PTPRM: variants seen among roughly 807,000 people sequenced by gnomAD.
PTPRM encodes the protein receptor-type tyrosine-protein phosphatase mu.
Under a neutral mutation model 186.7 loss-of-function variants are expected in PTPRM, and 47 were observed. That is an observed-to-expected ratio of 0.25 (90% CI 0.20 to 0.32). PTPRM has a LOEUF of 0.32. PTPRM is among the 10% of genes least tolerant of loss of function. PTPRM has a pLI of 1.00. For missense variants in PTPRM, 1,494 were observed against 1,865.0 expected (o/e 0.80, Z 3.66); for synonymous variants, 668 against 674.9 (o/e 0.99, Z 0.16).
At chr18:7,996,313 C>T (rs888282549) in intron 7 of PTPRM, among the ~76,000 whole-genome samples, 19 of 151,996 alleles carry the variant, frequency 1.3e-4, no homozygotes, top group African/African-American at 4.1e-4. Flanking sequence ...GTCATATGAT[C>T]ATCTCTATAG....
chr18:8,362,648 A>G (rs186300479), intron 23 of PTPRM, among the ~76,000 whole-genome samples: 7 of 152,066 alleles, frequency 4.6e-5, no homozygotes, highest in Admixed American at 2.0e-4. Flanking sequence ...AGCACTCCAT[A>G]TTTCTGTCTC....
At chr18:8,247,052 C>T (rs1159401453) in intron 15 of PTPRM, among the ~76,000 whole-genome samples, 3 of 152,082 alleles carry the variant, frequency 2.0e-5, no homozygotes, top group African/African-American at 7.2e-5. Context: ...AGTCTTTATA[C>T]TTTAATGAAA....
chr18:8,383,917 G>A (rs1055289791), intron 29 of PTPRM, among the ~76,000 whole-genome samples: 6 of 152,122 alleles, frequency 3.9e-5, no homozygotes, highest in African/African-American at 7.2e-5. Flanking sequence ...GCCTCTCCCC[G>A]GGGCCTGATG....
At chr18:8,340,871 T>A (rs1330615103) in intron 22 of PTPRM, among the ~76,000 whole-genome samples, 2 of 152,094 alleles carry the variant, frequency 1.3e-5, no homozygotes, top group African/African-American at 2.4e-5. Flanking sequence ...CCTGAGAATT[T>A]AAAAAAATCT....
At chr18:8,315,858 G>C (rs998256464) in intron 21 of PTPRM, among the ~76,000 whole-genome samples, 7 of 152,052 alleles carry the variant, frequency 4.6e-5, no homozygotes, top group Non-Finnish European at 7.4e-5. Context: ...GTAGGGACTG[G>C]GGTATGATTA....
intron 1 of PTPRM, among the ~76,000 whole-genome samples, chr18:7,687,630 G>T (rs992149140): frequency 1.3e-5 from 2 of 152,146 alleles, no homozygotes; most frequent in Non-Finnish European, 2.9e-5. Context: ...GTTGGCAGCA[G>T]AAGATGTTTA....
intron 6 of PTPRM, among the ~76,000 whole-genome samples, chr18:7,952,688 CAAAAAA>C (rs759055250): frequency 2.1e-5 from 2 of 93,942 alleles, no homozygotes; most frequent in African/African-American, 8.0e-5. Flanking sequence ...GACTCCATCT[CAAAAAA>C]AAAAAAAAAG....
chr18:8,153,998 C>G lies in PTPRM; in HGVS notation c.2300+10219C>G, dbSNP rs548632480. Among the ~76,000 whole-genome samples the G allele has an allele frequency of 4.6e-5, 7 of 152,290 alleles. No homozygotes were observed. The South Asian group carries it at 1.2e-3, about 27-fold the overall frequency. ...GTAGTAGCCACTGGTGACACTACTA[C>G]GCATTTGCTATTCTAGAAGTACCGC... On this transcript the variant is annotated intron_variant, in intron 14 of 32. Coordinates refer to ENST00000580170, the MANE Select transcript of PTPRM (RefSeq NM_001105244.2).
chr18:7,790,064 T>C (rs1568133496), intron 2 of PTPRM, among the ~76,000 whole-genome samples: 1 of 152,226 alleles, frequency 6.6e-6, no homozygotes, highest in Non-Finnish European at 1.5e-5. Context: ...GCTCCTTCAC[T>C]GGGGCCTCTG....
chr18:7,933,474 T>G (rs1425750454), intron 5 of PTPRM, among the ~76,000 whole-genome samples: 3 of 151,482 alleles, frequency 2.0e-5, no homozygotes, highest in Non-Finnish European at 4.4e-5. Context: ...TAAGTTTGTG[T>G]GTGCAAGACA....
chr18:8,247,297 A>G (rs1483301148), intron 15 of PTPRM, among the ~76,000 whole-genome samples: 1 of 152,226 alleles, frequency 6.6e-6, no homozygotes, highest in African/African-American at 2.4e-5. Flanking sequence ...TTTCAGAGGA[A>G]TATTTTAAAG....
chr18:7,638,658 A>G (rs552791377), intron 1 of PTPRM, among the ~76,000 whole-genome samples: 1 of 152,350 alleles, frequency 6.6e-6, no homozygotes, highest in African/African-American at 2.4e-5. Context: ...TCTTCAAATT[A>G]GAATTACAGT....
chr18:7,567,801 C>T lies in PTPRM; in HGVS notation c.-18C>T, dbSNP rs1202359065. On this transcript the variant is annotated 5_prime_UTR_variant, in exon 1 of 33. Coordinates refer to ENST00000580170, the MANE Select transcript of PTPRM (RefSeq NM_001105244.2). The surrounding 1 kb of genome is among the most constrained non-coding windows in gnomAD (Gnocchi z 4.3). ...CACCCACCGCCGCCGGGGAGCGGCC[C>T]GGCCCGCACTCAGCACCATGAGGGG... The T allele has an allele frequency of 2.0e-6, 3 of 1,523,668 alleles. No individual in the cohort carries two copies. The highest frequency in any genetic ancestry group is 1.5e-5 in the African/African-American group (1 of 68,690). 94.4% of individuals were successfully genotyped at this position (1,523,668 alleles called of 1,614,324 possible). A position where few individuals can be genotyped will look rare whatever the true frequency, so the allele number is the denominator to read the frequency against.
intron 14 of PTPRM, among the ~76,000 whole-genome samples, chr18:8,188,452 A>G (rs2093669956): frequency 6.6e-6 from 1 of 152,224 alleles, no homozygotes; most frequent in Non-Finnish European, 1.5e-5. Context: ...CACTTCCTGT[A>G]TGTAACAGGT....
chr18:8,143,743 T>C lies in PTPRM; in HGVS notation c.2264T>C (p.Ile755Thr). The C allele has an allele frequency of 6.2e-7, 1 of 1,614,094 alleles. No homozygotes were observed. Reference protein sequence around the residue: ...GVIAGILLFVIIFLGVVLVMK... With the variant: ...GVIAGILLFVTIFLGVVLVMK... ...ATCGCGGGCATCTTGCTGTTCGTGA[T>C]TATATTTCTTGGAGTTGTGTTGGTA... Residue 755 changes from isoleucine to threonine, a missense_variant, in exon 14 of 33, where the codon ATT becomes ACT. Physicochemically the swap from Ile to Thr is moderately conservative, Grantham distance 89. Transcript: ENST00000580170.
At chr18:7,607,682 G>A (rs1010960350) in intron 1 of PTPRM, among the ~76,000 whole-genome samples, 4 of 152,232 alleles carry the variant, frequency 2.6e-5, no homozygotes, top group Admixed American at 2.0e-4. Flanking sequence ...AGAGGACAGG[G>A]TTGTGAGGCC....
intron 1 of PTPRM, among the ~76,000 whole-genome samples, chr18:7,645,793 C>G (rs906281698): frequency 6.6e-6 from 1 of 152,090 alleles, no homozygotes; most frequent in Non-Finnish European, 1.5e-5. Flanking sequence ...ATGTAGCAAC[C>G]CTGATAATCT....
Position 7,567,541 on chromosome 18 carries a change from T to G in PTPRM, c.-278T>G. The G allele has an allele frequency of 1.8e-5, 6 of 331,734 alleles. No individual in the cohort carries two copies. The highest frequency in any genetic ancestry group is 4.9e-5 in the East Asian group (1 of 20,266). The allele number at this position is 331,734 out of a possible 1,614,324, so 20.5% of individuals were successfully genotyped here. ...CTCAGCAACCGGAACCGAGGGAAGA[T>G]TTTGGCTCCGCGGGCTCGCCCTCCG... On this transcript the variant is annotated 5_prime_UTR_variant, in exon 1 of 33. Coordinates refer to ENST00000580170, the MANE Select transcript of PTPRM (RefSeq NM_001105244.2). This position sits in a 1 kb window ranked among gnomAD's most constrained non-coding sequence, Gnocchi z 4.3.
intron 19 of PTPRM, among the ~76,000 whole-genome samples, chr18:8,291,102 T>G (rs1307652723): frequency 6.6e-6 from 1 of 152,234 alleles, no homozygotes; most frequent in East Asian, 1.9e-4. Context: ...AGGGGCTAAA[T>G]GATGCTTTTA....
Sources: gnomAD v4.1 joint callset for allele counts (sites outside exome capture counted in the v4.1 genomes callset) on GRCh38, gnomAD v4.1.1 for gene constraint, Gnocchi (gnomAD v3.1) non-coding constraint, MANE v1.5 for transcripts, NCBI Gene and HGNC (gene_info 2026-07-23, HGNC 2026-07-21) for gene names.